Variants in NEURL3 observed in about 807,000 individuals in gnomAD.
NEURL3 encodes the protein neuralized E3 ubiquitin protein ligase 3.
In NEURL3, 19 loss-of-function variants were observed where a neutral mutation model predicts 17.6. The observed-to-expected ratio is 1.08, with a 90% CI of 0.75 to 1.58. The LOEUF (loss-of-function observed/expected upper bound fraction) is 1.58. Among genes scored for constraint, NEURL3 ranks in the 40% most tolerant of loss-of-function variants. The probability of loss-of-function intolerance (pLI) is 0.00; values close to 1 mark genes in which losing one functional copy is unlikely to be tolerated. For synonymous variants in NEURL3, 180 were observed against 161.4 expected, an observed-to-expected ratio of 1.11 and a Z score of -0.87; for missense variants, 342 against 379.6, an observed-to-expected ratio of 0.90 and a Z score of 0.82.
At chr2:96,503,612 C>T (rs1253113782) in intron 1 of NEURL3, among the ~76,000 whole-genome samples, 1 of 152,190 alleles carries the variant, frequency 6.6e-6, no homozygotes, top group Non-Finnish European at 1.5e-5. Context: ...CACCCCCGAC[C>T]CACCAGCCTG....
At chr2:96,507,940 A>G (rs1011845084), upstream of NEURL3, 4 of 152,272 alleles carry the variant, frequency 2.6e-5, 1 homozygote, top group South Asian at 6.2e-4. Flanking sequence ...TGGCCCAGGT[A>G]TCGTGGCTGG....
chr2:96,501,037 C>G, intron 1 of NEURL3, 113 bp from the exon 2 acceptor site: 3 of 1,291,302 alleles, frequency 2.3e-6, no homozygotes, highest in Non-Finnish European at 3.0e-6. Flanking sequence ...TTGACCTTCC[C>G]CTAGGGACCA....
In NEURL3 at chr2:96,498,485, A is replaced by T. The variant is rs1295016199; in HGVS notation, c.587-39T>A. On this transcript the variant is annotated intron_variant, in intron 3 of 3. Transcript: ENST00000451794. The surrounding 1 kb of genome is among the most constrained non-coding windows in gnomAD (Gnocchi z 4.4). ...CAACACAGGTCAGGGCACATGGGGG[A>T]AGGGGTGGGCAACCCGCTCACAATG... The T allele has an allele frequency of 6.4e-7, 1 of 1,550,504 alleles. No homozygotes were observed. Among genetic ancestry groups the T allele is most frequent in the Non-Finnish European group, 8.7e-7 (1 of 1,144,036 alleles).
Position 96,501,017 on chromosome 2 carries a change from T to C in NEURL3, c.29-93A>G, listed in dbSNP as rs982325081. ...CCAGTATCCCAGAGTCCCTCACACC[T>C]GGGAGCACCTTGACCTTCCCCTAGG... On this transcript the variant is annotated intron_variant, in intron 1 of 3. Transcript: ENST00000451794. 13 of 1,388,246 alleles carry C rather than the reference T, an allele frequency of 9.4e-6. No homozygotes were observed. In the Admixed American group the frequency reaches 4.2e-4, roughly 45 times the overall value. The allele number at this position is 1,388,246 out of a possible 1,614,324, so 86.0% of individuals were successfully genotyped here. A position where few individuals can be genotyped will look rare whatever the true frequency, so the allele number is the denominator to read the frequency against.
Position 96,498,295 on chromosome 2 carries a change from C to T in NEURL3, c.738G>A (p.Ala246=), listed in dbSNP as rs757762705. Residue 246 remains alanine (A), a synonymous_variant, in exon 4 of 4, where the codon GCG becomes GCA. Coordinates refer to ENST00000451794, the MANE Select transcript of NEURL3 (RefSeq NM_001285485.2). The surrounding 1 kb of genome is among the most constrained non-coding windows in gnomAD (Gnocchi z 4.4). ...CAGGAGGGCCCTGCGCAGGGGCTAC[C>T]GCCTCTATCTGCCAGCGGCACACAG... ...KCPVCRWQIE[A]VAPAQGPPAL... 1.0e-5 allele frequency: 16 copies of T among 1,591,730 alleles called. No individual in the cohort carries two copies. Among genetic ancestry groups the T allele is most frequent in the African/African-American group, 2.7e-5 (2 of 74,818 alleles).
Position 96,498,088 on chromosome 2 carries a change from C to G in NEURL3, c.*156G>C, listed in dbSNP as rs1441875902. 4 of 725,722 alleles carry G rather than the reference C, an allele frequency of 5.5e-6. No homozygotes were observed. The highest frequency in any genetic ancestry group is 8.8e-6 in the Non-Finnish European group (4 of 455,110). The allele number at this position is 725,722 out of a possible 1,614,324, so 45.0% of individuals were successfully genotyped here. On this transcript the variant is annotated 3_prime_UTR_variant, in exon 4 of 4. Transcript: ENST00000451794. This position sits in a 1 kb window ranked among gnomAD's most constrained non-coding sequence, Gnocchi z 4.4. ...TTGGGGAACAGGTGGAGGCAGCAGA[C>G]AGCACCTCCCTGCCTTCCTCTCTCT... is the stretch of plus-strand genomic sequence containing the variant.
chr2:96,500,017 C>G (rs565919330), intron 2 of NEURL3: 6 of 205,538 alleles, frequency 2.9e-5, no homozygotes, highest in Non-Finnish European at 4.8e-5. Context: ...CTTTTCCCCC[C>G]CACTGACTGA....
chr2:96,501,763 A>G (rs1203688195), intron 1 of NEURL3, among the ~76,000 whole-genome samples: 1 of 152,010 alleles, frequency 6.6e-6, no homozygotes, highest in East Asian at 1.9e-4. Flanking sequence ...GGGGCTTCCT[A>G]CCCCAGAACT....
At chr2:96,499,734 G>T (rs1349757149) in intron 2 of NEURL3, among the ~76,000 whole-genome samples, 1 of 151,996 alleles carries the variant, frequency 6.6e-6, no homozygotes, top group Non-Finnish European at 1.5e-5. Flanking sequence ...ACCCTCGGCC[G>T]AGCCACATTC....
At chr2:96,500,350 C>G (rs535171220) in intron 2 of NEURL3, 89 bp downstream of exon 2, 22 of 1,535,974 alleles carry the variant, frequency 1.4e-5, no homozygotes, top group Non-Finnish European at 1.8e-5. Context: ...TGAATGTGAA[C>G]GTTCTTCCTG....
chr2:96,498,500 C>A lies in NEURL3; in HGVS notation c.587-54G>T. On this transcript the variant is annotated intron_variant, in intron 3 of 3. Transcript: ENST00000451794. The surrounding 1 kb of genome is among the most constrained non-coding windows in gnomAD (Gnocchi z 4.4). ...CACATGGGGGAAGGGGTGGGCAACC[C>A]GCTCACAATGTGACCACAGAGAATG... 1 of 1,467,074 alleles carries A rather than the reference C, an allele frequency of 6.8e-7. No individual in the cohort carries two copies. The highest frequency in any genetic ancestry group is 1.2e-5 in the South Asian group (1 of 82,160). The allele number at this position is 1,467,074 out of a possible 1,614,324, so 90.9% of individuals were successfully genotyped here. A position where few individuals can be genotyped will look rare whatever the true frequency, so the allele number is the denominator to read the frequency against.
In NEURL3 at chr2:96,505,309, G is replaced by A; in HGVS notation, c.-23C>T. The A allele has an allele frequency of 6.3e-7, 1 of 1,599,074 alleles. No individual in the cohort carries two copies. Among genetic ancestry groups the A allele is most frequent in the Non-Finnish European group, 8.5e-7 (1 of 1,179,758 alleles). On this transcript the variant is annotated 5_prime_UTR_variant, in exon 1 of 4. Coordinates refer to ENST00000451794, the MANE Select transcript of NEURL3 (RefSeq NM_001285485.2). ...CATCAGTCTAAGGTCCTCGGGCACA[G>A]GTCCCCAGGTCTAGAAGGAACTGCC...
intron 3 of NEURL3, 104 bp downstream of exon 3, chr2:96,499,274 C>T (rs2065473386): frequency 3.9e-6 from 6 of 1,520,380 alleles, no homozygotes; most frequent in Non-Finnish European, 5.3e-6. Context: ...TGGCCCAAAG[C>T]CTGTGAGAGA....
chr2:96,504,935 T>TCCA (rs929616280), intron 1 of NEURL3, among the ~76,000 whole-genome samples: 5 of 149,304 alleles, frequency 3.3e-5, no homozygotes, highest in Admixed American at 1.4e-4. Context: ...ATATGGCTCT[T>TCCA]CCACTACGGG....
At chr2:96,507,114 T>C (rs1484877650), upstream of NEURL3, among the ~76,000 whole-genome samples, 5 of 152,196 alleles carry the variant, frequency 3.3e-5, no homozygotes, top group African/African-American at 7.2e-5. Context: ...AGTAGGGCCA[T>C]GAGGCCATAA....
upstream of NEURL3, chr2:96,507,943 GTGGC>G (rs1180004299): frequency 6.6e-6 from 1 of 152,282 alleles, no homozygotes; most frequent in African/African-American, 2.4e-5. Flanking sequence ...CCCAGGTATC[GTGGC>G]TGGAGACCGT....
Position 96,500,602 on chromosome 2 carries a change from C to T in NEURL3, c.351G>A (p.Ala117=), listed in dbSNP as rs1189999880. The change falls in exon 2 of 4, where the codon GCG becomes GCA. Residue 117 remains alanine, a synonymous_variant. Coordinates refer to ENST00000451794, the MANE Select transcript of NEURL3 (RefSeq NM_001285485.2). ...TWAAVLPEGC[A]LTGDLVRFWV... ...AGAAGCGGACCAAGTCCCCAGTGAG[C>T]GCGCAGCCCTCAGGCAGCACGGCCG... 2 of 1,525,938 alleles carry T rather than the reference C, an allele frequency of 1.3e-6. No individual in the cohort carries two copies. Among genetic ancestry groups the T allele is most frequent in the East Asian group, 2.5e-5 (1 of 40,762 alleles). The allele number at this position is 1,525,938 out of a possible 1,614,324, so 94.5% of individuals were successfully genotyped here.
At chr2:96,507,155 C>T (rs1411989452), upstream of NEURL3, among the ~76,000 whole-genome samples, 1 of 152,188 alleles carries the variant, frequency 6.6e-6, no homozygotes, top group East Asian at 1.9e-4. Flanking sequence ...GACACAGGGA[C>T]AGAGAGAAGA....
chr2:96,505,875 CAG>C (rs542939019), upstream of NEURL3, among the ~76,000 whole-genome samples: 366 of 152,322 alleles, frequency 2.4e-3, 2 homozygotes, highest in African/African-American at 8.2e-3. Context: ...GTAAAGCAGA[CAG>C]AAGAGGAGAG....
Sources: allele counts gnomAD v4.1 joint callset (sites outside exome capture counted in the v4.1 genomes callset), GRCh38; gene constraint gnomAD v4.1.1; non-coding constraint Gnocchi (gnomAD v3.1); transcripts MANE v1.5; gene names NCBI Gene and HGNC (gene_info 2026-07-23, HGNC 2026-07-21).